U2SURP: variants seen among roughly 807,000 people sequenced by gnomAD.
U2SURP encodes the protein U2 snRNP-associated SURP motif-containing protein.
Under a neutral mutation model 144.9 loss-of-function variants are expected in U2SURP, and 9 were observed. The observed-to-expected ratio is 0.06, with a 90% confidence interval of 0.04 to 0.11. The LOEUF (loss-of-function observed/expected upper bound fraction) is 0.11. U2SURP is among the 10% of genes least tolerant of loss of function. U2SURP has a pLI of 1.00. For missense variants in U2SURP, 724 were observed against 1,226.7 expected (o/e 0.59, Z 6.12); for synonymous variants, 408 against 396.8 (o/e 1.03, Z -0.33).
intron 1 of U2SURP, among the ~76,000 whole-genome samples, chr3:143,001,874 A>G (rs552224030): frequency 6.6e-6 from 1 of 152,260 alleles, no homozygotes; most frequent in East Asian, 1.9e-4. Flanking sequence ...TCAGCTCGAG[A>G]CTGGCGTGCC....
At chr3:143,023,180 T>A in intron 12 of U2SURP, 116 bp downstream of exon 12, 1 of 915,152 alleles carries the variant, frequency 1.1e-6, no homozygotes, top group Non-Finnish European at 1.6e-6. Context: ...TGGCAACTTT[T>A]AAAGAAATAA....
intron 4 of U2SURP, among the ~76,000 whole-genome samples, chr3:143,015,272 C>A (rs536107942): frequency 6.6e-6 from 1 of 151,976 alleles, no homozygotes; most frequent in South Asian, 2.1e-4. Flanking sequence ...CATATCTGAA[C>A]CATTTTTTTC....
chr3:143,021,981 G>A (rs1936657955), intron 10 of U2SURP, among the ~76,000 whole-genome samples: 3 of 152,104 alleles, frequency 2.0e-5, no homozygotes, highest in Admixed American at 6.5e-5. Flanking sequence ...AGTAACGGTA[G>A]TATATAATAT....
Position 143,033,053 on chromosome 3 carries a change from A to T in U2SURP, c.1773+107A>T, listed in dbSNP as rs912292837. The T allele has an allele frequency of 4.7e-6, 6 of 1,271,558 alleles. No homozygotes were observed. The African/African-American group carries it at 9.0e-5, about 19-fold the overall frequency. 78.8% of individuals were successfully genotyped at this position (1,271,558 alleles called of 1,614,324 possible). ...TTGACTGATGAGATTTTTCCCATGC[A>T]GTCTTATGTTATTTCTGCTTGGAAA... On this transcript the variant is annotated intron_variant, in intron 17 of 27. Transcript: ENST00000473835.
rs757677932 is a variant in U2SURP at position 143,020,682 on chromosome 3, A to G, written c.722A>G (p.Gln241Arg). 6.2e-7 allele frequency: 1 copy of G among 1,612,630 alleles called. No homozygotes were observed. The highest frequency in any genetic ancestry group is 8.5e-7 in the Non-Finnish European group (1 of 1,179,156). ...FEPPQSDSDGQRRSMDAPSRR... is the reference protein window; with the variant it reads ...FEPPQSDSDGRRRSMDAPSRR... ...CCTCCTCAGTCAGATTCTGATGGTC[A>G]GCGTCGTTCTAGTAAGTGGCATTTA... Residue 241 changes from glutamine to arginine, a missense_variant, in exon 8 of 28, where the codon CAG (glutamine) becomes CGG (arginine). Around this residue, in one of 13 missense-constraint regions of U2SURP, gnomAD observed 115 missense variants for 258.1 expected, o/e 0.45. Transcript: ENST00000473835.
intron 24 of U2SURP, among the ~76,000 whole-genome samples, chr3:143,044,544 G>C (rs990995184): frequency 6.6e-6 from 1 of 151,942 alleles, no homozygotes. Flanking sequence ...TTTGTCCAAG[G>C]CTATTCAGAC....
chr3:143,049,537 G>A (rs1362293810), intron 24 of U2SURP, among the ~76,000 whole-genome samples: 1 of 152,116 alleles, frequency 6.6e-6, no homozygotes, highest in South Asian at 2.1e-4. Flanking sequence ...CAGATTGGCA[G>A]CCCAGTGGTA....
intron 23 of U2SURP, among the ~76,000 whole-genome samples, chr3:143,041,969 TAC>T (rs10550292): frequency 0.085 from 12,650 of 148,778 alleles, 1,578 homozygotes; most frequent in African/African-American, 0.28. Context: ...GCCAATAGTA[TAC>T]ACACACACAC....
At chr3:143,026,798 G>C (rs886802010) in intron 13 of U2SURP, 2 of 159,750 alleles carry the variant, frequency 1.3e-5, no homozygotes, top group African/African-American at 4.8e-5. Flanking sequence ...CTAAGTTACT[G>C]ATTTTATATA....
chr3:143,033,372 A>G, intron 18 of U2SURP, 22 bp downstream of exon 18: 1 of 1,235,740 alleles, frequency 8.1e-7, no homozygotes, highest in Admixed American at 2.0e-5. Flanking sequence ...GATATAACTG[A>G]TATTCCTGAA....
rs113734081 is a variant in U2SURP at position 143,033,049 on chromosome 3, A to T, written c.1773+103A>T. On this transcript the variant is annotated intron_variant, in intron 17 of 27. Transcript: ENST00000473835. ...GCACTTGACTGATGAGATTTTTCCC[A>T]TGCAGTCTTATGTTATTTCTGCTTG... The T allele has an allele frequency of 3.5e-5, 44 of 1,272,578 alleles. No homozygotes were observed. The African/African-American group carries it at 6.0e-4, about 17-fold the overall frequency. 78.8% of individuals were successfully genotyped at this position (1,272,578 alleles called of 1,614,324 possible).
intron 24 of U2SURP, among the ~76,000 whole-genome samples, chr3:143,048,425 G>A (rs1217819654): frequency 2.0e-5 from 3 of 152,170 alleles, no homozygotes; most frequent in African/African-American, 7.2e-5. Context: ...GAGTCATCTT[G>A]GTCACGAGAG....
chr3:143,025,916 G>A (rs1933118847), intron 13 of U2SURP: 1 of 151,968 alleles, frequency 6.6e-6, no homozygotes, highest in Non-Finnish European at 1.5e-5. Context: ...CTGAAATAGG[G>A]CATTATAGAG....
chr3:143,036,456 GA>G (rs1933814386), intron 20 of U2SURP, among the ~76,000 whole-genome samples: 1 of 152,104 alleles, frequency 6.6e-6, no homozygotes, highest in Non-Finnish European at 1.5e-5. Flanking sequence ...TGCATGAAAA[GA>G]TGCATCACAT....
intron 4 of U2SURP, 55 bp from the exon 5 acceptor site, chr3:143,016,202 G>A: frequency 6.6e-7 from 1 of 1,509,978 alleles, no homozygotes. Context: ...ATTTAGCCTT[G>A]TGTACATTAA....
intron 19 of U2SURP, among the ~76,000 whole-genome samples, chr3:143,035,334 T>A (rs894780601): frequency 9.2e-5 from 14 of 152,202 alleles, no homozygotes; most frequent in Non-Finnish European, 2.1e-4. Flanking sequence ...CCAATTTTTT[T>A]ATAACCTCTT....
chr3:143,008,737 C>T (rs886593814), intron 1 of U2SURP, among the ~76,000 whole-genome samples: 1 of 152,144 alleles, frequency 6.6e-6, no homozygotes, highest in Non-Finnish European at 1.5e-5. Flanking sequence ...CAAGTTAATA[C>T]TGGTGTATTG....
At chr3:143,025,502 A>G (rs1933092457) in intron 13 of U2SURP, among the ~76,000 whole-genome samples, 1 of 152,148 alleles carries the variant, frequency 6.6e-6, no homozygotes, top group African/African-American at 2.4e-5. Flanking sequence ...TTATACATAA[A>G]ATTTCCCTTA....
intron 18 of U2SURP, among the ~76,000 whole-genome samples, chr3:143,033,584 A>G (rs1382210343): frequency 1.3e-5 from 2 of 152,170 alleles, no homozygotes; most frequent in African/African-American, 4.8e-5. Flanking sequence ...TTTCTAAACA[A>G]TATAGTATGA....
Sources: gnomAD v4.1 joint callset for allele counts (sites outside exome capture counted in the v4.1 genomes callset) on GRCh38, gnomAD v4.1.1 for gene constraint, gnomAD v4.1.1 regional missense constraint, MANE v1.5 for transcripts, NCBI Gene and HGNC (gene_info 2026-07-23, HGNC 2026-07-21) for gene names.